Variants in KSR2 observed in about 807,000 individuals in gnomAD.
The protein encoded by KSR2 is kinase suppressor of ras 2.
Under a neutral mutation model 107.8 loss-of-function variants are expected in KSR2, and 25 were observed. That is an observed-to-expected ratio of 0.23 (90% CI 0.17 to 0.32). The LOEUF (loss-of-function observed/expected upper bound fraction) is 0.32. KSR2 is among the 10% of genes least tolerant of loss of function. The pLI is 1.00. For synonymous variants in KSR2, 480 were observed against 507.0 expected (o/e 0.95, Z 0.71); for missense variants, 887 against 1,268.9 (o/e 0.70, Z 4.57).
At chr12:117,667,407 A>C in intron 5 of KSR2, 67 bp downstream of exon 5, 1 of 1,435,990 alleles carries the variant, frequency 7.0e-7, no homozygotes, top group Non-Finnish European at 9.6e-7. Context: ...CACAGAGGAC[A>C]GCAGGTGCTG....
At chr12:117,630,262 T>C (rs1369734413) in intron 5 of KSR2, among the ~76,000 whole-genome samples, 1 of 152,160 alleles carries the variant, frequency 6.6e-6, no homozygotes, top group African/African-American at 2.4e-5. Flanking sequence ...CGATGCTCAA[T>C]TGTGTTCTAG....
intron 17 of KSR2, among the ~76,000 whole-genome samples, chr12:117,474,036 A>T (rs1068944): frequency 1.3e-5 from 2 of 152,176 alleles, no homozygotes; most frequent in Non-Finnish European, 2.9e-5. Flanking sequence ...TGAGCACGAG[A>T]TTCCCAAGCA....
chr12:117,799,372 C>T (rs1002016847), intron 3 of KSR2, among the ~76,000 whole-genome samples: 1 of 151,826 alleles, frequency 6.6e-6, no homozygotes, highest in Non-Finnish European at 1.5e-5. Context: ...CGTGGTGGCA[C>T]GCACCTGTAA....
At chr12:117,786,842 C>T (rs922601209) in intron 3 of KSR2, among the ~76,000 whole-genome samples, 1 of 151,746 alleles carries the variant, frequency 6.6e-6, no homozygotes, top group African/African-American at 2.4e-5. Context: ...CCAGCCTGAT[C>T]AACATGGAGA....
chr12:117,522,602 A>G (rs1464844121), intron 14 of KSR2, among the ~76,000 whole-genome samples: 2 of 152,244 alleles, frequency 1.3e-5, no homozygotes, highest in Admixed American at 6.5e-5. Context: ...GCAGTGGGAC[A>G]TTGCAGATCT....
chr12:117,763,775 C>T (rs1002283489), intron 3 of KSR2, among the ~76,000 whole-genome samples: 5 of 152,036 alleles, frequency 3.3e-5, no homozygotes, highest in African/African-American at 1.2e-4. Context: ...CAGGCTGCTG[C>T]GGGGAAAACT....
intron 12 of KSR2, among the ~76,000 whole-genome samples, 199 bp from the exon 13 acceptor site, chr12:117,527,318 C>G (rs1407668604): frequency 9.7e-5 from 13 of 133,920 alleles, no homozygotes; most frequent in African/African-American, 2.4e-4. Flanking sequence ...CACACACACA[C>G]ACACACAGAC....
At chr12:117,962,972 G>A (rs1438802455) in intron 1 of KSR2, among the ~76,000 whole-genome samples, 1 of 146,616 alleles carries the variant, frequency 6.8e-6, no homozygotes, top group East Asian at 2.1e-4. Context: ...ATCACTGGAG[G>A]TCGGGAGTTT....
In KSR2 at chr12:117,968,310, G is replaced by C; in HGVS notation, c.-55C>G. ...CCTCCTCCCAGAGAGAAAAAAGAGG[G>C]GGGGGAGTAGAGGTAGTCTACCCTC... On this transcript the variant is annotated 5_prime_UTR_variant, in exon 1 of 20. Transcript: ENST00000339824. 1.4e-6 allele frequency: 2 copies of C among 1,455,872 alleles called. No homozygotes were observed. Among genetic ancestry groups the C allele is most frequent in the Non-Finnish European group, 9.0e-7 (1 of 1,111,712 alleles). 90.2% of individuals were successfully genotyped at this position (1,455,872 alleles called of 1,614,324 possible). A position where few individuals can be genotyped will look rare whatever the true frequency, so the allele number is the denominator to read the frequency against.
intron 1 of KSR2, among the ~76,000 whole-genome samples, chr12:117,885,113 T>C (rs1336386310): frequency 6.6e-6 from 1 of 152,090 alleles, no homozygotes; most frequent in Non-Finnish European, 1.5e-5. Flanking sequence ...CTGTTGCATG[T>C]GGATGATGAA....
intron 5 of KSR2, among the ~76,000 whole-genome samples, chr12:117,660,282 C>T (rs1361614334): frequency 6.6e-6 from 1 of 152,154 alleles, no homozygotes; most frequent in Non-Finnish European, 1.5e-5. Context: ...GGTTTATTCT[C>T]TCACTGTTCT....
intron 4 of KSR2, among the ~76,000 whole-genome samples, chr12:117,748,643 T>C (rs562415189): frequency 6.6e-6 from 1 of 152,290 alleles, no homozygotes; most frequent in East Asian, 1.9e-4. Context: ...CAATAAGCCT[T>C]CCATAAGTGA....
intron 5 of KSR2, among the ~76,000 whole-genome samples, chr12:117,597,729 G>A (rs1047012703): frequency 1.3e-5 from 2 of 152,192 alleles, no homozygotes; most frequent in African/African-American, 4.8e-5. Flanking sequence ...GGAAACCAAC[G>A]TAGCCAAGTA....
At chr12:117,748,426 C>T (rs1486474504) in intron 4 of KSR2, among the ~76,000 whole-genome samples, 2 of 151,952 alleles carry the variant, frequency 1.3e-5, no homozygotes, top group African/African-American at 4.8e-5. Context: ...TTCAAAACCA[C>T]TGAGAGTAAA....
rs186683317 is a variant in KSR2, at chr12:117,855,487, C to T, written c.413G>A (p.Arg138Gln). 1.1e-5 allele frequency: 17 copies of T among 1,614,034 alleles called. No individual in the cohort carries two copies. Among genetic ancestry groups the T allele is most frequent in the South Asian group, 9.9e-5 (9 of 91,080 alleles). ...CETVEKYGAN[R>Q]EECARLNASL... ...GGCGTTGAGGCGGGCACACTCCTCC[C>T]GGTTGGCTCCGTATTTCTCCACAGT... The change falls in exon 3 of 20, where the codon CGG becomes CAG. Residue 138 changes from arginine to glutamine, a missense_variant. This residue lies in a region of KSR2 where 399 missense variants were observed against 479.5 expected (regional missense o/e 0.83). Transcript: ENST00000339824.
intron 5 of KSR2, among the ~76,000 whole-genome samples, chr12:117,620,525 C>G (rs904981978): frequency 2.0e-5 from 3 of 152,130 alleles, no homozygotes; most frequent in Non-Finnish European, 2.9e-5. Context: ...GAAATACAGA[C>G]ATTATGGAAG....
intron 3 of KSR2, among the ~76,000 whole-genome samples, chr12:117,850,163 CT>C (rs1892866192): frequency 6.6e-6 from 1 of 152,212 alleles, no homozygotes; most frequent in South Asian, 2.1e-4. Flanking sequence ...CTGGTTCCCC[CT>C]GGTGGACATT....
At chr12:117,485,517 C>A (rs1266280009) in intron 15 of KSR2, 78 bp downstream of exon 15, 4 of 1,062,638 alleles carry the variant, frequency 3.8e-6, no homozygotes, top group Non-Finnish European at 1.5e-6. Flanking sequence ...ATCTTAGGAG[C>A]CCTGGGGTAG....
At chr12:117,833,542 T>C (rs1202756443) in intron 3 of KSR2, among the ~76,000 whole-genome samples, 2 of 152,096 alleles carry the variant, frequency 1.3e-5, no homozygotes, top group Non-Finnish European at 2.9e-5. Flanking sequence ...TTTTTATTCT[T>C]TGTAGAGAAG....
Sources: allele counts gnomAD v4.1 joint callset (sites outside exome capture counted in the v4.1 genomes callset), GRCh38; gene constraint gnomAD v4.1.1; regional missense constraint gnomAD v4.1.1; transcripts MANE v1.5; gene names NCBI Gene and HGNC (gene_info 2026-07-23, HGNC 2026-07-21).